The following IDE variants were observed in gnomAD, a reference collection of about 807,000 sequenced individuals.
IDE encodes the protein insulin-degrading enzyme.
A neutral mutation model predicts 133.2 loss-of-function variants in IDE; 58 were observed. The ratio of observed to expected loss-of-function variants is 0.44; its 90% CI spans 0.35 to 0.54. The LOEUF is 0.54. Ranked by LOEUF, IDE falls within the 20% of genes least tolerant of loss-of-function variation. The pLI, the probability that IDE is intolerant of heterozygous loss-of-function variation, is 0.00. For synonymous variants in IDE, 396 were observed against 421.3 expected (o/e 0.94, Z 0.73); for missense variants, 981 against 1,234.0 (o/e 0.79, Z 3.07).
intron 8 of IDE, 92 bp from the exon 9 acceptor site, chr10:92,507,758 G>A (rs898260406): frequency 1.5e-5 from 12 of 777,624 alleles, no homozygotes; most frequent in Admixed American, 1.2e-4. Flanking sequence ...ATAAGTGGAA[G>A]ATGGTCCCTC....
At chr10:92,568,739 C>T (rs1483273841) in intron 1 of IDE, among the ~76,000 whole-genome samples, 2 of 151,920 alleles carry the variant, frequency 1.3e-5, no homozygotes, top group Non-Finnish European at 2.9e-5. Flanking sequence ...TCGCCTGAAG[C>T]TGGGAGATGG....
chr10:92,568,738 G>A (rs1446573020), intron 1 of IDE, among the ~76,000 whole-genome samples: 1 of 151,924 alleles, frequency 6.6e-6, no homozygotes, highest in Non-Finnish European at 1.5e-5. Flanking sequence ...ATCGCCTGAA[G>A]CTGGGAGATG....
chr10:92,532,941 T>C (rs1373935938), intron 3 of IDE, among the ~76,000 whole-genome samples: 1 of 152,228 alleles, frequency 6.6e-6, no homozygotes, highest in Non-Finnish European at 1.5e-5. Context: ...TATGATACTA[T>C]GCTAAGTACT....
chr10:92,564,387 C>T (rs1843421622), intron 1 of IDE, among the ~76,000 whole-genome samples: 1 of 152,034 alleles, frequency 6.6e-6, no homozygotes, highest in Admixed American at 6.6e-5. Flanking sequence ...AGAAACTGTA[C>T]TAGGCCGGGC....
At chr10:92,542,715 G>A (rs1031885466) in intron 1 of IDE, among the ~76,000 whole-genome samples, 1 of 152,174 alleles carries the variant, frequency 6.6e-6, no homozygotes, top group Non-Finnish European at 1.5e-5. Flanking sequence ...CAAAGTAGAA[G>A]GGAATTCGTG....
intron 4 of IDE, among the ~76,000 whole-genome samples, chr10:92,524,782 A>T: frequency 6.7e-6 from 1 of 149,796 alleles, no homozygotes; most frequent in South Asian, 2.1e-4. Context: ...AATTAACCAG[A>T]TGTGGTAATG....
chr10:92,470,456 A>G, intron 17 of IDE, 111 bp from the exon 18 acceptor site: 1 of 525,390 alleles, frequency 1.9e-6, no homozygotes, highest in Non-Finnish European at 3.4e-6. Context: ...GCTCCTGTAA[A>G]CACTTCACCT....
At chr10:92,554,243 C>T (rs1275500876) in intron 1 of IDE, among the ~76,000 whole-genome samples, 1 of 152,220 alleles carries the variant, frequency 6.6e-6, no homozygotes, top group Admixed American at 6.5e-5. Flanking sequence ...AACAACCCCA[C>T]ACAATCATCT....
At chr10:92,492,265 A>C (rs1847400973) in intron 11 of IDE, among the ~76,000 whole-genome samples, 1 of 151,964 alleles carries the variant, frequency 6.6e-6, no homozygotes, top group South Asian at 2.1e-4. Context: ...GTCTCAAAAA[A>C]AAAAAGAAAA....
chr10:92,525,680 G>A (rs532681002), intron 4 of IDE, among the ~76,000 whole-genome samples: 4 of 146,648 alleles, frequency 2.7e-5, no homozygotes, highest in African/African-American at 5.0e-5. Context: ...AATGAATTCA[G>A]TAAAGTTGCA....
intron 24 of IDE, 134 bp from the exon 25 acceptor site, chr10:92,454,673 C>CG: frequency 1.5e-6 from 1 of 652,912 alleles, no homozygotes; most frequent in Non-Finnish European, 2.8e-6. Flanking sequence ...GGCTTGAGGC[C>CG]GCTCTACCTA....
chr10:92,480,101 C>T (rs938649609), intron 14 of IDE, among the ~76,000 whole-genome samples: 1 of 152,194 alleles, frequency 6.6e-6, no homozygotes, highest in African/African-American at 2.4e-5. Context: ...AAGAACTAAA[C>T]CACCACAGTG....
intron 5 of IDE, among the ~76,000 whole-genome samples, chr10:92,513,285 C>T (rs1848722351): frequency 1.3e-5 from 2 of 152,164 alleles, no homozygotes; most frequent in East Asian, 3.8e-4. Context: ...CTCCACCCCC[C>T]AGGTTCAAGT....
intron 6 of IDE, among the ~76,000 whole-genome samples, chr10:92,509,165 C>T (rs1848454836): frequency 6.6e-6 from 1 of 152,166 alleles, no homozygotes; most frequent in Admixed American, 6.5e-5. Flanking sequence ...AGGTTAACAG[C>T]TTCAACAGTC....
At chr10:92,572,211 A>T (rs1414712200) in intron 1 of IDE, among the ~76,000 whole-genome samples, 1 of 152,244 alleles carries the variant, frequency 6.6e-6, no homozygotes, top group Non-Finnish European at 1.5e-5. Flanking sequence ...AAAATCACAA[A>T]TGCTATATGC....
intron 13 of IDE, among the ~76,000 whole-genome samples, chr10:92,485,956 A>AATAAG (rs751366160): frequency 5.9e-5 from 9 of 152,050 alleles, no homozygotes; most frequent in Non-Finnish European, 1.0e-4. Flanking sequence ...TAAATAAATA[A>AATAAG]ATAAGATAAG....
At chr10:92,524,791 T>C (rs1431009345) in intron 4 of IDE, among the ~76,000 whole-genome samples, 2 of 150,354 alleles carry the variant, frequency 1.3e-5, no homozygotes, top group Admixed American at 6.8e-5. Flanking sequence ...GATGTGGTAA[T>C]GGGCGCTGCA....
intron 5 of IDE, among the ~76,000 whole-genome samples, chr10:92,512,310 C>T (rs905738037): frequency 2.0e-5 from 3 of 152,158 alleles, no homozygotes. Context: ...ATCCAGTTTC[C>T]TCCTCATACC....
chr10:92,477,799 T>C lies in IDE; in HGVS notation c.1884+1478A>G, dbSNP rs184112243. Among the ~76,000 whole-genome samples, 752 of 152,356 alleles carry C rather than the reference T, an allele frequency of 4.9e-3. 7 individuals are homozygous for C. Among genetic ancestry groups the C allele is most frequent in the African/African-American group, 0.017 (715 of 41,582 alleles). The stretch of plus-strand genomic sequence containing the variant: ...AAGAGAAAACAGATGATTACTTTTC[T>C]ATTTGGAGCTAATTTTGATCTCTGA... On this transcript the variant is annotated intron_variant, in intron 15 of 24. Transcript: ENST00000265986.
Sources: gnomAD v4.1 joint callset for allele counts (sites outside exome capture counted in the v4.1 genomes callset) on GRCh38, gnomAD v4.1.1 for gene constraint, MANE v1.5 for transcripts, NCBI Gene and HGNC (gene_info 2026-07-23, HGNC 2026-07-21) for gene names.